BAHCC1: variants seen among roughly 807,000 people sequenced by gnomAD.
BAHCC1 encodes BAH and coiled-coil domain-containing protein 1.
In BAHCC1, 43 loss-of-function variants were observed where a neutral mutation model predicts 88.2. The observed-to-expected ratio is 0.49, with a 90% CI of 0.38 to 0.63. The LOEUF (loss-of-function observed/expected upper bound fraction) is 0.63. BAHCC1 is among the 20% of genes least tolerant of loss of function. The pLI is 0.00. For synonymous variants in BAHCC1, 1,510 were observed against 745.5 expected, an observed-to-expected ratio of 2.03 and a Z score of -16.71; for missense variants, 3,023 against 1,654.8, an observed-to-expected ratio of 1.83 and a Z score of -14.34.
intron 5 of BAHCC1, 93 bp from the exon 6 acceptor site, chr17:81,443,716 C>T (rs1598489007): frequency 1.5e-6 from 1 of 669,318 alleles, no homozygotes. Flanking sequence ...GTGCATCAGG[C>T]CCCCCAGCTC....
chr17:81,413,855 G>T (rs2063986467), intron 2 of BAHCC1, among the ~76,000 whole-genome samples: 1 of 152,234 alleles, frequency 6.6e-6, no homozygotes, highest in African/African-American at 2.4e-5. Context: ...TGCTGGGGCG[G>T]CTGTGTCCTC....
intron 4 of BAHCC1, 130 bp from the exon 5 acceptor site, chr17:81,441,701 C>T (rs1240622806): frequency 2.3e-6 from 1 of 434,994 alleles, no homozygotes; most frequent in Non-Finnish European, 4.1e-6. Flanking sequence ...GAGCAAAAAC[C>T]TTCCCTAGGC....
At position 81,399,233 on chromosome 17, in the gene BAHCC1, C is replaced by T; in HGVS notation, c.-206-301C>T. On this transcript the variant is annotated intron_variant, in intron 1 of 27. Coordinates refer to ENST00000675386, the MANE Select transcript of BAHCC1 (RefSeq NM_001377448.1). This position sits in a 1 kb window ranked among gnomAD's most constrained non-coding sequence, Gnocchi z 4.5. ...CAGCCTCTTCGCCGCGGCGCCCTAGCTGCAGGGACCCGCGGGGACGAGAAC... is the reference window on the plus strand; with the variant it reads ...CAGCCTCTTCGCCGCGGCGCCCTAGTTGCAGGGACCCGCGGGGACGAGAAC... 4.8e-6 allele frequency: 2 copies of T among 418,802 alleles called. No individual in the cohort carries two copies. Among genetic ancestry groups the T allele is most frequent in the South Asian group, 1.6e-5 (1 of 61,510 alleles). 25.9% of individuals were successfully genotyped at this position (418,802 alleles called of 1,614,324 possible). A position where few individuals can be genotyped will look rare whatever the true frequency, so the allele number is the denominator to read the frequency against.
rs782251580 is a variant in BAHCC1, at chr17:81,458,270, C to A, written c.5147C>A (p.Pro1716Gln). ...GAGCGGGCCCCAGGGCAGAGGCCCC[C>A]AGGTGCGCTGGGCAAGAAGAAAGCC... ...TLERAPGQRP[P>Q]GALGKKKAKG... The change falls in exon 18 of 28, where the codon CCA becomes CAA. Residue 1716 changes from proline (P) to glutamine (Q), a missense_variant. Pro to Gln is a moderately conservative substitution (Grantham distance 76, BLOSUM62 -1). Transcript: ENST00000675386. 1.3e-6 allele frequency: 1 copy of A among 747,150 alleles called. No homozygotes were observed. The highest frequency in any genetic ancestry group is 2.5e-5 in the East Asian group (1 of 39,456). 46.3% of individuals were successfully genotyped at this position (747,150 alleles called of 1,614,324 possible).
intron 11 of BAHCC1, among the ~76,000 whole-genome samples, chr17:81,451,387 C>T (rs2065755931): frequency 1.3e-5 from 2 of 152,188 alleles, no homozygotes; most frequent in South Asian, 2.1e-4. Flanking sequence ...GCTTTTACTT[C>T]GATGCTTTGG....
chr17:81,431,957 C>A (rs1328529258), intron 3 of BAHCC1, among the ~76,000 whole-genome samples: 1 of 152,188 alleles, frequency 6.6e-6, no homozygotes, highest in Non-Finnish European at 1.5e-5. Flanking sequence ...CAGGACAGGG[C>A]AGGACTGTGG....
intron 3 of BAHCC1, among the ~76,000 whole-genome samples, chr17:81,432,260 G>T (rs952183037): frequency 1.3e-5 from 2 of 152,212 alleles, no homozygotes; most frequent in African/African-American, 2.4e-5. Context: ...CAGCCGCCCC[G>T]GCAGGTGCAC....
In BAHCC1 at chr17:81,455,271, G is replaced by T. The variant is rs1555656966; in HGVS notation, c.4450G>T (p.Val1484Leu). 1 of 715,692 alleles carries T rather than the reference G, an allele frequency of 1.4e-6. No individual in the cohort carries two copies. Among genetic ancestry groups the T allele is most frequent in the Non-Finnish European group, 2.6e-6 (1 of 385,082 alleles). The allele number at this position is 715,692 out of a possible 1,614,324, so 44.3% of individuals were successfully genotyped here. ...CCCACCACCCCATGCCCCCAGGGCG[G>T]TGCGGACAAGCCTGGGTCTGCTGTG... is the stretch of plus-strand genomic sequence containing the variant. ...PRSDGKKVKA[V>L]RTSLGLLCAE... The change falls in exon 15 of 28, where the codon GTG becomes TTG. Residue 1484 changes from valine to leucine, a missense_variant. Physicochemically the swap from Val to Leu is conservative, Grantham distance 32. Transcript: ENST00000675386.
intron 2 of BAHCC1, among the ~76,000 whole-genome samples, chr17:81,414,652 C>T (rs2063996138): frequency 1.3e-5 from 2 of 152,206 alleles, no homozygotes; most frequent in South Asian, 2.1e-4. Flanking sequence ...GTCGTGAGGA[C>T]GTGGGTCCGT....
chr17:81,410,281 C>T (rs2063933552), intron 2 of BAHCC1, among the ~76,000 whole-genome samples: 1 of 152,170 alleles, frequency 6.6e-6, no homozygotes. Flanking sequence ...CTTGGTGGGG[C>T]CTCCCCCCTG....
At chr17:81,414,776 C>T (rs1215101094) in intron 2 of BAHCC1, among the ~76,000 whole-genome samples, 2 of 152,172 alleles carry the variant, frequency 1.3e-5, no homozygotes, top group African/African-American at 2.4e-5. Flanking sequence ...CCCAAGGCCC[C>T]GGGACGGGGT....
intron 2 of BAHCC1, among the ~76,000 whole-genome samples, chr17:81,414,182 C>G (rs557939484): frequency 6.6e-6 from 1 of 152,246 alleles, no homozygotes; most frequent in Non-Finnish European, 1.5e-5. Flanking sequence ...TCCGCCTTGG[C>G]AGCAGAGCGG....
chr17:81,400,939 G>A (rs974778264), intron 2 of BAHCC1, among the ~76,000 whole-genome samples: 2 of 152,274 alleles, frequency 1.3e-5, no homozygotes, highest in South Asian at 4.1e-4. Flanking sequence ...CTAGGGACCC[G>A]CCGGGTCACC....
chr17:81,411,242 C>A lies in BAHCC1; in HGVS notation c.178+11325C>A. The A allele has an allele frequency of 3.9e-6, 2 of 507,536 alleles. No individual in the cohort carries two copies. The highest frequency in any genetic ancestry group is 7.8e-6 in the Non-Finnish European group (2 of 255,368). The allele number at this position is 507,536 out of a possible 1,614,324, so 31.4% of individuals were successfully genotyped here. On this transcript the variant is annotated intron_variant, in intron 2 of 27. Transcript: ENST00000675386. This position sits in a 1 kb window ranked among gnomAD's most constrained non-coding sequence, Gnocchi z 6.2. ...TGGGGCCCCAGGAGGACTCGCCACC[C>A]CCAGTTGAGCAGCTCCCCTTCTCGG...
rs553626463 is a variant in BAHCC1 at position 81,448,022 on chromosome 17, C to T, written c.3976+174C>T. ...TTGCCGTCCCTCGTCCATGGAAGTCCGAGGCAGGTGTGCCATCTCCGAATC... is the reference window on the plus strand; with the variant it reads ...TTGCCGTCCCTCGTCCATGGAAGTCTGAGGCAGGTGTGCCATCTCCGAATC... On this transcript the variant is annotated intron_variant, in intron 11 of 27. Coordinates refer to ENST00000675386, the MANE Select transcript of BAHCC1 (RefSeq NM_001377448.1). 1.2e-3 allele frequency among the ~76,000 whole-genome samples: 186 copies of T among 152,306 alleles called. 2 individuals are homozygous for T. The highest frequency in any genetic ancestry group is 4.1e-3 in the African/African-American group (171 of 41,562).
At position 81,447,548 on chromosome 17, in the gene BAHCC1, G is replaced by GAGC. The variant is rs782151938; in HGVS notation, c.3677_3679dup (p.Glu1226_Leu1227insGln). The GAGC allele has an allele frequency of 1.3e-6, 1 of 757,450 alleles. No individual in the cohort carries two copies. Among genetic ancestry groups the GAGC allele is most frequent in the Non-Finnish European group, 2.5e-6 (1 of 407,386 alleles). The allele number at this position is 757,450 out of a possible 1,614,324, so 46.9% of individuals were successfully genotyped here. On this transcript the variant is annotated inframe_insertion, in exon 11 of 28. Transcript: ENST00000675386. ...GGAGCAGCCGGCCCCTGAGGAGGAC[G>GAGC]AGCTGGAGGAAGACGAGCTGGGGCA...
rs782648543 is a variant in BAHCC1 at position 81,443,148 on chromosome 17, G to A, written c.1799G>A (p.Arg600His). 1.7e-5 allele frequency: 13 copies of A among 778,086 alleles called. No individual in the cohort carries two copies. The highest frequency in any genetic ancestry group is 5.1e-5 in the African/African-American group (3 of 59,142). The allele number at this position is 778,086 out of a possible 1,614,324, so 48.2% of individuals were successfully genotyped here. The change falls in exon 5 of 28, where the codon CGC becomes CAC. Residue 600 changes from arginine (R) to histidine (H), a missense_variant. Arg to His is a conservative substitution (Grantham distance 29, BLOSUM62 0). Coordinates refer to ENST00000675386, the MANE Select transcript of BAHCC1 (RefSeq NM_001377448.1). The stretch of plus-strand genomic sequence containing the variant: ...ACCGCCATGGCCATCAGCGAGGAGC[G>A]CAAGGCTGGCGCCTACCTGGACCCC... The part of the protein sequence containing the change: ...QGTAMAISEE[R>H]KAGAYLDPFG...
In BAHCC1 at chr17:81,405,936, G is replaced by A. The variant is rs79458859; in HGVS notation, c.178+6019G>A. ...CTCTTTTGGAGTGGTCTTCTCAGAGGGGCCTGGTTGCCCATCAGCTGCTGT... is the reference window on the plus strand; with the variant it reads ...CTCTTTTGGAGTGGTCTTCTCAGAGAGGCCTGGTTGCCCATCAGCTGCTGT... On this transcript the variant is annotated intron_variant, in intron 2 of 27. Coordinates refer to ENST00000675386, the MANE Select transcript of BAHCC1 (RefSeq NM_001377448.1). Among the ~76,000 whole-genome samples the A allele has an allele frequency of 1.8e-3, 270 of 152,290 alleles. 1 individual carries two copies. Among genetic ancestry groups the A allele is most frequent in the African/African-American group, 6.2e-3 (259 of 41,572 alleles).
At chr17:81,437,335 G>A (rs913204603) in intron 3 of BAHCC1, among the ~76,000 whole-genome samples, 3 of 152,254 alleles carry the variant, frequency 2.0e-5, no homozygotes, top group African/African-American at 4.8e-5. Flanking sequence ...TGCACTGCAC[G>A]GAGGGCTGGG....
Sources: gnomAD v4.1 joint callset for allele counts (sites outside exome capture counted in the v4.1 genomes callset) on GRCh38, gnomAD v4.1.1 for gene constraint, Gnocchi (gnomAD v3.1) non-coding constraint, MANE v1.5 for transcripts, NCBI Gene and HGNC (gene_info 2026-07-23, HGNC 2026-07-21) for gene names.